PRKAR1A: variants seen among roughly 807,000 people sequenced by gnomAD.
PRKAR1A encodes the protein cAMP-dependent protein kinase type I-alpha regulatory subunit.
A neutral mutation model predicts 52.0 loss-of-function variants in PRKAR1A; 3 were observed. That is an observed-to-expected ratio of 0.06 (90% CI 0.03 to 0.15). PRKAR1A has a LOEUF of 0.15. PRKAR1A is among the 10% of genes least tolerant of loss of function. The probability of loss-of-function intolerance (pLI) is 1.00; values close to 1 mark genes in which losing one functional copy is unlikely to be tolerated. For synonymous variants in PRKAR1A, 188 were observed against 168.4 expected (o/e 1.12, Z -0.90); for missense variants, 240 against 477.4 (o/e 0.50, Z 4.63).
the PRKAR1A span, chr17:68,428,884 T>C: frequency 1.2e-6 from 2 of 1,613,960 alleles, no homozygotes; most frequent in Non-Finnish European, 1.7e-6. Context: ...AAATTGTACA[T>C]ATAAAGGTGT....
chr17:68,529,805 A>AT, intron 9 of PRKAR1A, 115 bp from the exon 10 acceptor site: 1 of 1,019,636 alleles, frequency 9.8e-7, no homozygotes, highest in Non-Finnish European at 1.6e-6. Flanking sequence ...CTTTAAAGTC[A>AT]TTTTTTATCA....
At chr17:68,428,228 G>GTTTTTTTT in the PRKAR1A span, 1 of 135,968 alleles carries the variant, frequency 7.4e-6, no homozygotes, top group Non-Finnish European at 1.6e-5. Context: ...CAGGGAATAG[G>GTTTTTTTT]TTTTTTTTTT....
chr17:68,452,877 C>A, the PRKAR1A span: 3 of 1,597,142 alleles, frequency 1.9e-6, no homozygotes, highest in Non-Finnish European at 1.7e-6. Context: ...GGTTCTCCTG[C>A]AGATCCCTGA....
rs142754465 is a variant in PRKAR1A, at chr17:68,548,522, T to A, written c.974-2562T>A. Among the ~76,000 whole-genome samples, 236 of 151,328 alleles carry A rather than the reference T, an allele frequency of 1.6e-3. 3 individuals carry two copies. The East Asian group carries it at 0.026, about 16-fold the overall frequency. Reference sequence around the variant, plus strand: ...TCCAGCCTGGGCAACAGAGTGAGACTCTGTCTCAAAAAAAAAAAGTTTGAA... The same window carrying A: ...TCCAGCCTGGGCAACAGAGTGAGACACTGTCTCAAAAAAAAAAAGTTTGAA... On this transcript the variant is annotated intron_variant, in intron 11 of 11. Transcript: ENST00000585981.
At chr17:68,512,337 C>T (rs1298101650), upstream of PRKAR1A, 7 of 152,970 alleles carry the variant, frequency 4.6e-5, no homozygotes, top group Admixed American at 3.9e-4. Flanking sequence ...CTGTTGCGCC[C>T]TTAAGGTTGC....
the PRKAR1A span, among the ~76,000 whole-genome samples, chr17:68,468,970 C>T: frequency 1.4e-4 from 22 of 152,282 alleles, no homozygotes; most frequent in South Asian, 2.1e-4. Context: ...CTATAGGTGA[C>T]CCTTGTCTGA....
the PRKAR1A span, among the ~76,000 whole-genome samples, chr17:68,454,024 T>C: frequency 2.0e-5 from 3 of 152,100 alleles, no homozygotes; most frequent in Non-Finnish European, 4.4e-5. Flanking sequence ...ACAAACAAAA[T>C]ACAAACTAAA....
At chr17:68,452,936 T>C in the PRKAR1A span, 1 of 1,614,046 alleles carries the variant, frequency 6.2e-7, no homozygotes. Flanking sequence ...ATCCAGCTGC[T>C]CCACAGAACT....
At chr17:68,520,485 TG>T (rs776780918) in intron 2 of PRKAR1A, among the ~76,000 whole-genome samples, 1 of 152,180 alleles carries the variant, frequency 6.6e-6, no homozygotes, top group Non-Finnish European at 1.5e-5. Flanking sequence ...ATATAACATT[TG>T]TATGTTTTTA....
the PRKAR1A span, among the ~76,000 whole-genome samples, chr17:68,424,770 G>T: frequency 6.6e-6 from 1 of 152,134 alleles, no homozygotes; most frequent in Non-Finnish European, 1.5e-5. Context: ...GCAGCTACTC[G>T]GGAGGCTGAG....
chr17:68,524,697 A>G lies in PRKAR1A; in HGVS notation c.503-215A>G, dbSNP rs147019997. ...TATGTAGCTTTTAAAAATTTTTTTC[A>G]GAGGTATTCTTCACCATGAGATGAC... On this transcript the variant is annotated intron_variant, in intron 5 of 10. Transcript: ENST00000589228. Among the ~76,000 whole-genome samples, 252 of 152,222 alleles carry G rather than the reference A, an allele frequency of 1.7e-3. 3 individuals are homozygous for G. The East Asian group carries it at 0.044, about 26-fold the overall frequency.
At chr17:68,507,225 A>G (rs1455574628), upstream of PRKAR1A, among the ~76,000 whole-genome samples, 1 of 152,252 alleles carries the variant, frequency 6.6e-6, no homozygotes, top group African/African-American at 2.4e-5. Context: ...CTGTGTGACA[A>G]TAGCAAAGAC....
At chr17:68,547,829 CTTT>C (rs2086638660) in intron 11 of PRKAR1A, among the ~76,000 whole-genome samples, 1 of 152,234 alleles carries the variant, frequency 6.6e-6, no homozygotes. Flanking sequence ...CCTTCAAGAA[CTTT>C]TCCTTTGCAT....
chr17:68,484,173 G>A, the PRKAR1A span, among the ~76,000 whole-genome samples: 3 of 152,188 alleles, frequency 2.0e-5, no homozygotes, highest in African/African-American at 4.8e-5. Flanking sequence ...TAATATGGGG[G>A]AGAACTGACA....
the PRKAR1A span, among the ~76,000 whole-genome samples, chr17:68,477,030 G>C: frequency 2.6e-5 from 4 of 152,142 alleles, no homozygotes; most frequent in South Asian, 8.3e-4. Context: ...AAATAATATG[G>C]CTTTTGCTAT....
At chr17:68,525,249 G>A (rs894368186) in intron 6 of PRKAR1A, among the ~76,000 whole-genome samples, 2 of 149,394 alleles carry the variant, frequency 1.3e-5, no homozygotes, top group Non-Finnish European at 3.0e-5. Context: ...TTGAGCCCAG[G>A]AGTTCAAGAC....
chr17:68,502,755 G>GAAAAAAAAAAAAA, the PRKAR1A span, among the ~76,000 whole-genome samples: 1 of 86,292 alleles, frequency 1.2e-5, no homozygotes, highest in Non-Finnish European at 2.3e-5. Flanking sequence ...TTCATCTCAG[G>GAAAAAAAAAAAAA]AAAAAAAAAA....
the PRKAR1A span, chr17:68,433,343 G>T: frequency 1.1e-6 from 1 of 922,838 alleles, no homozygotes; most frequent in Non-Finnish European, 1.7e-6. Context: ...CCATCACTTA[G>T]GTGAAGTCCC....
upstream of PRKAR1A, chr17:68,511,883 C>T (rs1451129731): frequency 1.3e-5 from 2 of 152,182 alleles, no homozygotes; most frequent in Non-Finnish European, 2.9e-5. Flanking sequence ...CAGGACTCTC[C>T]CCGCCCCGGC....
Sources: allele counts gnomAD v4.1 joint callset (sites outside exome capture counted in the v4.1 genomes callset), GRCh38; gene constraint gnomAD v4.1.1; transcripts MANE v1.5; gene names NCBI Gene and HGNC (gene_info 2026-07-23, HGNC 2026-07-21).